Variants in CHODL observed in about 807,000 individuals in gnomAD.
CHODL encodes the protein chondrolectin.
In CHODL, 29 loss-of-function variants were observed where a neutral mutation model predicts 34.5. That is an observed-to-expected ratio of 0.84 (90% CI 0.63 to 1.15). The LOEUF (loss-of-function observed/expected upper bound fraction) is 1.15. Ranked by LOEUF, CHODL falls within the 50% of genes most tolerant of loss-of-function variation. The probability of loss-of-function intolerance (pLI) is 0.00; values close to 1 mark genes in which losing one functional copy is unlikely to be tolerated. For synonymous variants in CHODL, 125 were observed against 116.1 expected (o/e 1.08, Z -0.49); for missense variants, 332 against 332.5 (o/e 1.00, Z 0.01).
At chr21:17,989,034 T>C (rs934171864) in intron 1 of CHODL, among the ~76,000 whole-genome samples, 5 of 152,154 alleles carry the variant, frequency 3.3e-5, no homozygotes, top group Admixed American at 3.3e-4. Context: ...TGTCTACACA[T>C]TGGAGAAAAG....
intron 2 of CHODL, among the ~76,000 whole-genome samples, chr21:18,172,143 C>A (rs2073240013): frequency 6.6e-6 from 1 of 152,160 alleles, no homozygotes; most frequent in Admixed American, 6.5e-5. Context: ...TCTCATCCCA[C>A]AGCTTTTCCT....
rs547694897 is a variant in CHODL at position 18,265,950 on chromosome 21, T to A, written c.738-4T>A. 1 of 1,606,734 alleles carries A rather than the reference T, an allele frequency of 6.2e-7. No homozygotes were observed. The highest frequency in any genetic ancestry group is 1.1e-5 in the South Asian group (1 of 89,188). On this transcript the variant is annotated splice_polypyrimidine_tract_variant and splice_region_variant and intron_variant, in intron 5 of 5. Coordinates refer to ENST00000299295, the MANE Select transcript of CHODL (RefSeq NM_024944.3). ...CACTAAACATTTTTTCTTATGTTTT[T>A]CAGTAAAGGAAGAACAAAAACTAGT...
chr21:18,243,035 G>C (rs369052869), upstream of CHODL, among the ~76,000 whole-genome samples: 3 of 152,142 alleles, frequency 2.0e-5, no homozygotes, highest in East Asian at 5.8e-4. Flanking sequence ...AAGGGGAAAG[G>C]AGATCCCCTT....
chr21:18,123,912 G>T (rs1265915049), intron 2 of CHODL, among the ~76,000 whole-genome samples: 1 of 152,138 alleles, frequency 6.6e-6, no homozygotes, highest in Admixed American at 6.5e-5. Flanking sequence ...ACCCGGCGCG[G>T]TGGCTCACGC....
intron 1 of CHODL, among the ~76,000 whole-genome samples, chr21:18,249,096 T>TAATAAA (rs1568955916): frequency 5.5e-5 from 7 of 127,916 alleles, no homozygotes; most frequent in African/African-American, 2.1e-4. Context: ...ATAAAATATA[T>TAATAAA]ATATATAATA....
chr21:18,245,782 G>T, intron 1 of CHODL: 1 of 733,160 alleles, frequency 1.4e-6, no homozygotes, highest in Non-Finnish European at 2.2e-6. Context: ...GCTGTGGGTC[G>T]CCTCCGGATG....
At chr21:18,194,175 A>G (rs2073552778) in intron 2 of CHODL, among the ~76,000 whole-genome samples, 1 of 152,202 alleles carries the variant, frequency 6.6e-6, no homozygotes, top group Admixed American at 6.5e-5. Flanking sequence ...CTCTGTAAAG[A>G]AACTGTGAAA....
At chr21:18,127,672 GTTTT>G (rs71318127) in intron 2 of CHODL, among the ~76,000 whole-genome samples, 367 of 70,024 alleles carry the variant, frequency 5.2e-3, no homozygotes, top group Admixed American at 0.013. Context: ...CGTTGCCATT[GTTTT>G]TTTTTTTTTT....
At chr21:18,104,608 A>T (rs2065252734) in intron 2 of CHODL, among the ~76,000 whole-genome samples, 1 of 152,190 alleles carries the variant, frequency 6.6e-6, no homozygotes, top group Non-Finnish European at 1.5e-5. Flanking sequence ...ACTGTAGGCC[A>T]ATATAGGACT....
intron 1 of CHODL, among the ~76,000 whole-genome samples, chr21:17,947,626 C>T (rs530521665): frequency 7.3e-5 from 11 of 151,640 alleles, no homozygotes; most frequent in African/African-American, 9.7e-5. Flanking sequence ...GACATACAGA[C>T]GGCCAAAAAG....
chr21:18,266,026 C>T lies in CHODL; in HGVS notation c.810C>T (p.Gly270=), dbSNP rs1568966643. 1 of 1,613,294 alleles carries T rather than the reference C, an allele frequency of 6.2e-7. No individual in the cohort carries two copies. The highest frequency in any genetic ancestry group is 8.5e-7 in the Non-Finnish European group (1 of 1,179,434). The part of the protein sequence containing the change: ...WISKSTRKES[G]MEV ...CAAAGAGTACCAGAAAAGAAAGTGG[C>T]ATGGAAGTATAATAACTCATTGACT... The change falls in exon 6 of 6, where the codon GGC becomes GGT. Residue 270 remains glycine, a synonymous_variant. Transcript: ENST00000299295.
intron 1 of CHODL, among the ~76,000 whole-genome samples, chr21:17,936,970 A>G (rs1433119188): frequency 6.6e-6 from 1 of 151,490 alleles, no homozygotes; most frequent in Non-Finnish European, 1.5e-5. Context: ...GCTACTCAGG[A>G]GGCTGAGGCA....
intron 2 of CHODL, among the ~76,000 whole-genome samples, chr21:18,219,064 C>T (rs974059066): frequency 1.3e-5 from 2 of 152,096 alleles, no homozygotes; most frequent in Non-Finnish European, 2.9e-5. Flanking sequence ...GTTCCAAAGT[C>T]GCTTCCACAT....
intron 2 of CHODL, among the ~76,000 whole-genome samples, chr21:18,064,583 G>A (rs2064708095): frequency 6.6e-6 from 1 of 152,176 alleles, no homozygotes; most frequent in Admixed American, 6.5e-5. Flanking sequence ...GAGCCTGCCA[G>A]CTTTCAGACT....
intron 1 of CHODL, among the ~76,000 whole-genome samples, chr21:17,923,824 A>G (rs1426775538): frequency 6.6e-6 from 1 of 152,198 alleles, no homozygotes; most frequent in Non-Finnish European, 1.5e-5. Context: ...AAGTAGCCCT[A>G]TAATTTAGAA....
At chr21:17,968,373 A>G (rs965286110) in intron 1 of CHODL, among the ~76,000 whole-genome samples, 1 of 151,168 alleles carries the variant, frequency 6.6e-6, no homozygotes, top group Admixed American at 6.6e-5. Context: ...AGAACTCAGA[A>G]ATACAACACA....
chr21:17,996,971 A>G (rs746943414), intron 1 of CHODL, among the ~76,000 whole-genome samples: 20 of 152,194 alleles, frequency 1.3e-4, no homozygotes, highest in South Asian at 2.1e-4. Flanking sequence ...AATTAAAACC[A>G]TTTATTTAAC....
At chr21:18,167,308 GAT>G (rs2073169692) in intron 2 of CHODL, among the ~76,000 whole-genome samples, 1 of 113,218 alleles carries the variant, frequency 8.8e-6, no homozygotes, top group Admixed American at 9.9e-5. Context: ...TTTCTATTAA[GAT>G]TTTTTTTTTT....
chr21:18,016,156 G>T (rs1217987476), intron 1 of CHODL, among the ~76,000 whole-genome samples: 1 of 152,220 alleles, frequency 6.6e-6, no homozygotes, highest in Non-Finnish European at 1.5e-5. Flanking sequence ...CTTCATGGCA[G>T]CCCATCCTGT....
Sources: gnomAD v4.1 joint callset for allele counts (sites outside exome capture counted in the v4.1 genomes callset) on GRCh38, gnomAD v4.1.1 for gene constraint, MANE v1.5 for transcripts, NCBI Gene and HGNC (gene_info 2026-07-23, HGNC 2026-07-21) for gene names.